The following NPHS2 variants were observed in gnomAD, a reference collection of about 807,000 sequenced individuals.
NPHS2 encodes the protein podocin.
In NPHS2, 36 loss-of-function variants were observed where a neutral mutation model predicts 37.1. That is an observed-to-expected ratio of 0.97 (90% confidence interval 0.74 to 1.28). The LOEUF (loss-of-function observed/expected upper bound fraction) is 1.28, where lower values mean the gene tolerates loss of function less well. Among genes scored for constraint, NPHS2 ranks in the 50% most tolerant of loss-of-function variants. The pLI is 0.00. For missense variants in NPHS2, 447 were observed against 488.1 expected (o/e 0.92, Z 0.79); for synonymous variants, 196 against 189.3 (o/e 1.04, Z -0.29).
In NPHS2 at chr1:179,556,928, G is replaced by A; in HGVS notation, c.738+99C>T. ...GAGCTCCCAAAGGGATGGCCCCTAAGGGATGGAACTGGCCATAGAAGATTT... is the reference window on the plus strand; with the variant it reads ...GAGCTCCCAAAGGGATGGCCCCTAAAGGATGGAACTGGCCATAGAAGATTT... On this transcript the variant is annotated intron_variant, in intron 5 of 7. Transcript: ENST00000367615. The surrounding 1 kb of genome is among the most constrained non-coding windows in gnomAD (Gnocchi z 4.1). The A allele has an allele frequency of 8.4e-7, 1 of 1,185,898 alleles. No homozygotes were observed. Among genetic ancestry groups the A allele is most frequent in the Non-Finnish European group, 1.2e-6 (1 of 822,926 alleles). 73.5% of individuals were successfully genotyped at this position (1,185,898 alleles called of 1,614,324 possible).
chr1:179,555,197 T>A (rs370988377), intron 5 of NPHS2, among the ~76,000 whole-genome samples: 1 of 152,242 alleles, frequency 6.6e-6, no homozygotes, highest in Non-Finnish European at 1.5e-5. Context: ...TAAGCCACCA[T>A]GTTTGTGGTA....
intron 3 of NPHS2, among the ~76,000 whole-genome samples, 190 bp from the exon 4 acceptor site, chr1:179,559,951 C>T (rs1180028952): frequency 6.6e-6 from 1 of 152,108 alleles, no homozygotes; most frequent in Non-Finnish European, 1.5e-5. Context: ...TAATCCAGGA[C>T]AATAGGTATA....
chr1:179,559,624 G>A (rs372074478), intron 4 of NPHS2, 55 bp downstream of exon 4: 44 of 1,116,978 alleles, frequency 3.9e-5, no homozygotes, highest in Non-Finnish European at 5.1e-5. Flanking sequence ...TTTTGTCCAC[G>A]GTAGGTAGAC....
At chr1:179,573,881 T>G (rs1377340475) in intron 1 of NPHS2, among the ~76,000 whole-genome samples, 1 of 152,188 alleles carries the variant, frequency 6.6e-6, no homozygotes, top group Non-Finnish European at 1.5e-5. Flanking sequence ...ATCCAACTTG[T>G]TTGGTTTAAG....
At position 179,569,454 on chromosome 1, in the gene NPHS2, T is replaced by C. The variant is rs1335217005; in HGVS notation, c.275-4661A>G. On this transcript the variant is annotated intron_variant, in intron 1 of 7. Coordinates refer to ENST00000367615, the MANE Select transcript of NPHS2 (RefSeq NM_014625.4). ...TGTGAATCTTTGCACATCAGATGGG[T>C]CTCTGAATACAGCACACCGATGGGT... 2.0e-5 allele frequency among the ~76,000 whole-genome samples: 3 copies of C among 152,196 alleles called. No homozygotes were observed. The East Asian group carries it at 5.8e-4, about 29-fold the overall frequency.
At chr1:179,573,302 C>T (rs1029491143) in intron 1 of NPHS2, among the ~76,000 whole-genome samples, 1 of 152,188 alleles carries the variant, frequency 6.6e-6, no homozygotes, top group African/African-American at 2.4e-5. Flanking sequence ...GCACTGAATA[C>T]CATAGTATGG....
chr1:179,553,729 A>G (rs1045612184), intron 6 of NPHS2, among the ~76,000 whole-genome samples: 3 of 152,098 alleles, frequency 2.0e-5, no homozygotes, highest in Non-Finnish European at 2.9e-5. Context: ...ACAGTTTAAA[A>G]TAGCAAAAAT....
At position 179,559,845 on chromosome 1, in the gene NPHS2, A is replaced by C. The variant is rs534554869; in HGVS notation, c.452-84T>G. The C allele has an allele frequency of 3.9e-4, 322 of 821,578 alleles. 3 individuals are homozygous for C. The South Asian group carries it at 4.6e-3, about 12-fold the overall frequency. The allele number at this position is 821,578 out of a possible 1,614,324, so 50.9% of individuals were successfully genotyped here. A position where few individuals can be genotyped will look rare whatever the true frequency, so the allele number is the denominator to read the frequency against. On this transcript the variant is annotated intron_variant, in intron 3 of 7. Coordinates refer to ENST00000367615, the MANE Select transcript of NPHS2 (RefSeq NM_014625.4). The stretch of plus-strand genomic sequence containing the variant: ...TCACCTTTCTGGGGTCAGGTTGCAC[A>C]CTACATTACTTTTCTTAGCCTCTAA...
chr1:179,563,616 G>A (rs4652414), intron 2 of NPHS2, among the ~76,000 whole-genome samples: 71,038 of 152,026 alleles, frequency 0.47, 17,103 homozygotes, highest in African/African-American at 0.56. Context: ...AACATAAAGT[G>A]TATTCTCTTA....
At chr1:179,552,844 G>T (rs1236890224) in intron 6 of NPHS2, 163 bp from the exon 7 acceptor site, 2 of 679,618 alleles carry the variant, frequency 2.9e-6, no homozygotes, top group East Asian at 5.5e-5. Context: ...AAAGTAGGCA[G>T]ATCTCCAAGG....
At chr1:179,569,364 C>A (rs1203577363) in intron 1 of NPHS2, among the ~76,000 whole-genome samples, 1 of 151,708 alleles carries the variant, frequency 6.6e-6, no homozygotes, top group Non-Finnish European at 1.5e-5. Flanking sequence ...AGGATTGCAA[C>A]CCCTGCTTTT....
intron 3 of NPHS2, among the ~76,000 whole-genome samples, chr1:179,560,472 C>T (rs1167101932): frequency 6.6e-6 from 1 of 152,138 alleles, no homozygotes; most frequent in Non-Finnish European, 1.5e-5. Context: ...TGAGAAGGTT[C>T]CTGAAAACCA....
At chr1:179,552,277 G>A in intron 7 of NPHS2, 1 of 401,268 alleles carries the variant, frequency 2.5e-6, no homozygotes, top group Admixed American at 3.6e-5. Context: ...AGAAGTTAGG[G>A]TGACTACGAT....
At chr1:179,565,636 T>C (rs1274647130) in intron 1 of NPHS2, among the ~76,000 whole-genome samples, 1 of 152,232 alleles carries the variant, frequency 6.6e-6, no homozygotes, top group African/African-American at 2.4e-5. Context: ...GTTTGTTACA[T>C]AGGTATACAT....
intron 7 of NPHS2, chr1:179,552,314 A>C: frequency 2.1e-6 from 1 of 484,098 alleles, no homozygotes; most frequent in Non-Finnish European, 3.8e-6. Flanking sequence ...CCAGCACTAG[A>C]GAAGAGGGAT....
chr1:179,554,476 A>G lies in NPHS2; in HGVS notation c.794T>C (p.Ile265Thr). The change falls in exon 6 of 8, where the codon ATT becomes ACT. Residue 265 changes from isoleucine to threonine, a missense_variant and splice_region_variant. Ile to Thr is a moderately conservative substitution (Grantham distance 89, BLOSUM62 -1). Coordinates refer to ENST00000367615, the MANE Select transcript of NPHS2 (RefSeq NM_014625.4). ...IWGIKVERIEIKDVRLPAGLQ... is the reference protein window; with the variant it reads ...IWGIKVERIETKDVRLPAGLQ... ...TCTTGCTAGTTAATTTCCTACCCACATTTCTATTCTCTCCACTTTGATTCC... is the reference window on the plus strand; with the variant it reads ...TCTTGCTAGTTAATTTCCTACCCACGTTTCTATTCTCTCCACTTTGATTCC... The G allele has an allele frequency of 6.2e-7, 1 of 1,614,094 alleles. No individual in the cohort carries two copies. The highest frequency in any genetic ancestry group is 1.7e-4 in the Middle Eastern group (1 of 6,060).
At chr1:179,575,228 C>T (rs1371142953) in intron 1 of NPHS2, among the ~76,000 whole-genome samples, 1 of 152,146 alleles carries the variant, frequency 6.6e-6, no homozygotes, top group Admixed American at 6.5e-5. Flanking sequence ...CTACAGCCAC[C>T]AGCTCGTGCA....
intron 4 of NPHS2, among the ~76,000 whole-genome samples, chr1:179,558,848 T>C (rs1160066668): frequency 6.6e-6 from 1 of 152,240 alleles, no homozygotes; most frequent in Non-Finnish European, 1.5e-5. Flanking sequence ...ATGCTGAGCA[T>C]CTTTTCATAT....
chr1:179,567,161 T>C (rs2101874992), intron 1 of NPHS2, among the ~76,000 whole-genome samples: 1 of 152,340 alleles, frequency 6.6e-6, no homozygotes, highest in African/African-American at 2.4e-5. Context: ...TTGGGCAGTA[T>C]GGCCATTTTC....
Sources: gnomAD v4.1 joint callset for allele counts (sites outside exome capture counted in the v4.1 genomes callset) on GRCh38, gnomAD v4.1.1 for gene constraint, Gnocchi (gnomAD v3.1) non-coding constraint, MANE v1.5 for transcripts, NCBI Gene and HGNC (gene_info 2026-07-23, HGNC 2026-07-21) for gene names.